RPS6KA2: variants seen among roughly 807,000 people sequenced by gnomAD.
The protein encoded by RPS6KA2 is ribosomal protein S6 kinase alpha-2.
A neutral mutation model predicts 91.8 loss-of-function variants in RPS6KA2; 42 were observed. The ratio of observed to expected loss-of-function variants is 0.46; its 90% confidence interval spans 0.36 to 0.59. The LOEUF is 0.59. Among genes scored for constraint, RPS6KA2 ranks in the 20% least tolerant of loss-of-function variants. The probability of loss-of-function intolerance (pLI) is 0.00; values close to 1 mark genes in which losing one functional copy is unlikely to be tolerated. For synonymous variants in RPS6KA2, 414 were observed against 393.6 expected (o/e 1.05, Z -0.61); for missense variants, 798 against 978.5 (o/e 0.82, Z 2.46).
chr6:166,467,535 C>T (rs2281046), intron 11 of RPS6KA2, among the ~76,000 whole-genome samples: 47,031 of 152,050 alleles, frequency 0.31, 8,889 homozygotes, highest in African/African-American at 0.54. Context: ...CACTGAATGG[C>T]AGACTGGAAG....
chr6:166,430,899 T>A (rs946951607), intron 15 of RPS6KA2, among the ~76,000 whole-genome samples: 2 of 152,150 alleles, frequency 1.3e-5, no homozygotes, highest in Non-Finnish European at 2.9e-5. Context: ...GCTTCATGAC[T>A]CTGCCAGGAG....
At chr6:166,512,800 C>G (rs889217924) in intron 3 of RPS6KA2, among the ~76,000 whole-genome samples, 1 of 152,244 alleles carries the variant, frequency 6.6e-6, no homozygotes, top group Non-Finnish European at 1.5e-5. Flanking sequence ...TGTGCCACAA[C>G]AACACGGGGC....
In RPS6KA2 at chr6:166,647,703, A is replaced by C. The variant is rs148043865; in HGVS notation, c.124-108919T>G. Among the ~76,000 whole-genome samples, 19 of 152,204 alleles carry C rather than the reference A, an allele frequency of 1.2e-4. No homozygotes were observed. In the East Asian group the frequency reaches 3.7e-3, roughly 29 times the overall value. ...TTGCCTCTCATCCTTTGAAACTTTT[A>C]AGTTTTTCCAGGAGGCTTCCTATAC... On this transcript the variant is annotated intron_variant, in intron 2 of 21. Transcript: ENST00000503859.
chr6:166,428,834 G>T (rs1317999365), intron 16 of RPS6KA2, among the ~76,000 whole-genome samples: 3 of 151,578 alleles, frequency 2.0e-5, no homozygotes, highest in African/African-American at 7.3e-5. Flanking sequence ...TTACACTGTT[G>T]GTGGGACTGT....
chr6:166,767,800 C>G lies in RPS6KA2; in HGVS notation c.123+90400G>C, dbSNP rs1158406482. On this transcript the variant is annotated intron_variant, in intron 2 of 21. Coordinates refer to the RPS6KA2 transcript ENST00000503859. This position sits in a 1 kb window ranked among gnomAD's most constrained non-coding sequence, Gnocchi z 4.6. ...ACACACACACACACACACACACACA[C>G]ACACACACACACACACCCTGGTGTC... 6.6e-6 allele frequency among the ~76,000 whole-genome samples: 1 copy of G among 150,560 alleles called. No individual in the cohort carries two copies. The highest frequency in any genetic ancestry group is 2.4e-5 in the African/African-American group (1 of 41,262).
rs142381192 is a variant in RPS6KA2, at chr6:166,709,394, G to A, written c.123+148806C>T. 6.4e-3 allele frequency among the ~76,000 whole-genome samples: 974 copies of A among 151,760 alleles called. 7 individuals carry two copies. The highest frequency in any genetic ancestry group is 0.011 in the Non-Finnish European group (738 of 68,038). On this transcript the variant is annotated intron_variant, in intron 2 of 21. Transcript: ENST00000503859. ...TGTCATCCCGGCACTTTGGGTGGCC[G>A]AGGCAGGAGGATTGCTGGAACCCAG...
rs1227673811 is a variant in RPS6KA2, at chr6:166,495,179, G to C, written c.747+3329C>G. ...GCTTTAGTTTTCATTTCTGTGCACA[G>C]AAAGAATACCGTCTTTCCTGCCCGG... On this transcript the variant is annotated intron_variant, in intron 8 of 20. Coordinates refer to ENST00000265678, the MANE Select transcript of RPS6KA2 (RefSeq NM_021135.6). This position sits in a 1 kb window ranked among gnomAD's most constrained non-coding sequence, Gnocchi z 4.4. 6.6e-6 allele frequency among the ~76,000 whole-genome samples: 1 copy of C among 152,206 alleles called. No individual in the cohort carries two copies. Among genetic ancestry groups the C allele is most frequent in the Non-Finnish European group, 1.5e-5 (1 of 68,040 alleles).
intron 2 of RPS6KA2, among the ~76,000 whole-genome samples, chr6:166,772,632 G>A (rs962995046): frequency 1.3e-5 from 2 of 152,156 alleles, no homozygotes; most frequent in African/African-American, 4.8e-5. Context: ...CCGCAATGTT[G>A]TGCCTTCGCC....
At chr6:166,463,801 C>T (rs1454971019) in intron 11 of RPS6KA2, among the ~76,000 whole-genome samples, 1 of 152,132 alleles carries the variant, frequency 6.6e-6, no homozygotes, top group Non-Finnish European at 1.5e-5. Context: ...AATATGCAGA[C>T]CAGAGAGAAG....
rs577891082 is a variant in RPS6KA2 at position 166,787,024 on chromosome 6, T to C, written c.123+71176A>G. Among the ~76,000 whole-genome samples, 117 of 152,320 alleles carry C rather than the reference T, an allele frequency of 7.7e-4. 1 individual carries two copies. Among genetic ancestry groups the C allele is most frequent in the African/African-American group, 2.7e-3 (111 of 41,562 alleles). ...ACACAGCTATGTCGGTGTGCCAATA[T>C]GTGTATAGAAAACTCAATCCAGAAT... is the stretch of plus-strand genomic sequence containing the variant. On this transcript the variant is annotated intron_variant, in intron 2 of 21. Coordinates refer to the RPS6KA2 transcript ENST00000503859.
chr6:166,860,124 G>A (rs1781010482), intron 1 of RPS6KA2, among the ~76,000 whole-genome samples: 1 of 85,332 alleles, frequency 1.2e-5, no homozygotes, highest in Non-Finnish European at 3.1e-5. Context: ...AGAGGATTTT[G>A]TGGATTTGGA....
intron 16 of RPS6KA2, 74 bp downstream of exon 16, chr6:166,430,379 A>G (rs1779079889): frequency 7.2e-7 from 1 of 1,393,848 alleles, no homozygotes; most frequent in Non-Finnish European, 9.9e-7. Flanking sequence ...TCTTGAACCC[A>G]TAAACCCTTG....
In RPS6KA2 at chr6:166,471,567, G is replaced by C. The variant is rs138940150; in HGVS notation, c.908-1662C>G. 4.3e-4 allele frequency among the ~76,000 whole-genome samples: 66 copies of C among 152,370 alleles called. No individual in the cohort carries two copies. In the East Asian group the frequency reaches 0.012, roughly 27 times the overall value. ...GTGAAAGTCCATCTAGAAGGAATTAGAGGAAGGGCACACATTCAGGAGTTT... is the reference window on the plus strand; with the variant it reads ...GTGAAAGTCCATCTAGAAGGAATTACAGGAAGGGCACACATTCAGGAGTTT... On this transcript the variant is annotated intron_variant, in intron 10 of 20. Coordinates refer to ENST00000265678, the MANE Select transcript of RPS6KA2 (RefSeq NM_021135.6).
chr6:166,797,376 A>G (rs1291287166), intron 2 of RPS6KA2, among the ~76,000 whole-genome samples: 1 of 151,968 alleles, frequency 6.6e-6, no homozygotes, highest in Non-Finnish European at 1.5e-5. Context: ...AGTTAGGGAC[A>G]CCCAGCTCCC....
intron 2 of RPS6KA2, among the ~76,000 whole-genome samples, chr6:166,832,093 C>G (rs1780202253): frequency 6.7e-6 from 1 of 148,696 alleles, no homozygotes; most frequent in East Asian, 2.0e-4. Context: ...TATAGATAAT[C>G]TACAGTAGTG....
intron 1 of RPS6KA2, among the ~76,000 whole-genome samples, chr6:166,574,978 A>G (rs937140709): frequency 7.9e-5 from 12 of 152,356 alleles, no homozygotes; most frequent in African/African-American, 2.9e-4. Context: ...ATTTTAAATG[A>G]ACAAATCGAG....
chr6:166,443,534 G>A (rs1448732737), intron 14 of RPS6KA2, among the ~76,000 whole-genome samples: 2 of 152,170 alleles, frequency 1.3e-5, no homozygotes, highest in African/African-American at 2.4e-5. Flanking sequence ...ACATGGAGAC[G>A]AGGAGTGTCA....
chr6:166,504,848 C>T (rs545939637), intron 5 of RPS6KA2, among the ~76,000 whole-genome samples: 7 of 152,082 alleles, frequency 4.6e-5, no homozygotes, highest in South Asian at 2.1e-4. Flanking sequence ...TGACTCATGC[C>T]GCCTTGAGAG....
chr6:166,670,989 TTTTTGTAGAGACAGG>T (rs1485203858), intron 2 of RPS6KA2, among the ~76,000 whole-genome samples: 1 of 152,140 alleles, frequency 6.6e-6, no homozygotes, highest in Non-Finnish European at 1.5e-5. Flanking sequence ...CTCAGCTAAT[TTTTTGTAGAGACAGG>T]TTTTCGCCCC....
Sources: gnomAD v4.1 joint callset for allele counts (sites outside exome capture counted in the v4.1 genomes callset) on GRCh38, gnomAD v4.1.1 for gene constraint, Gnocchi (gnomAD v3.1) non-coding constraint, MANE v1.5 for transcripts, NCBI Gene and HGNC (gene_info 2026-07-23, HGNC 2026-07-21) for gene names.